The following SNTG1 variants were observed in gnomAD, a reference collection of about 807,000 sequenced individuals.
SNTG1 encodes the protein gamma-1-syntrophin.
Under a neutral mutation model 74.7 loss-of-function variants are expected in SNTG1, and 39 were observed. That is an observed-to-expected ratio of 0.52 (90% CI 0.40 to 0.68). The LOEUF (loss-of-function observed/expected upper bound fraction) is 0.68, where lower values mean the gene tolerates loss of function less well. Among genes scored for constraint, SNTG1 ranks in the 30% least tolerant of loss-of-function variants. SNTG1 has a pLI of 0.00. For missense variants in SNTG1, 685 were observed against 609.5 expected, an observed-to-expected ratio of 1.12 and a Z score of -1.30; for synonymous variants, 254 against 217.1, an observed-to-expected ratio of 1.17 and a Z score of -1.49.
intron 18 of SNTG1, among the ~76,000 whole-genome samples, chr8:50,765,501 T>C (rs1159691198): frequency 6.6e-6 from 1 of 151,950 alleles, no homozygotes; most frequent in Non-Finnish European, 1.5e-5. Flanking sequence ...GCCTCTTCTC[T>C]CTCTTTCAGG....
At chr8:50,682,788 C>A (rs1005014988) in intron 15 of SNTG1, among the ~76,000 whole-genome samples, 2 of 152,096 alleles carry the variant, frequency 1.3e-5, no homozygotes, top group Non-Finnish European at 1.5e-5. Flanking sequence ...CTTTTGCTAC[C>A]CACCCAATAA....
intron 17 of SNTG1, among the ~76,000 whole-genome samples, chr8:50,723,833 G>C (rs2095493452): frequency 6.6e-6 from 1 of 152,126 alleles, no homozygotes; most frequent in Admixed American, 6.5e-5. Flanking sequence ...GTTTCAGAAG[G>C]TCTTTTAGTA....
intron 2 of SNTG1, among the ~76,000 whole-genome samples, chr8:50,203,985 C>A (rs1402282955): frequency 1.3e-5 from 2 of 151,938 alleles, no homozygotes; most frequent in Non-Finnish European, 2.9e-5. Context: ...GCTTTTGTGA[C>A]CTGTCAGTTT....
intron 2 of SNTG1, among the ~76,000 whole-genome samples, chr8:50,335,149 C>A (rs535596033): frequency 6.6e-6 from 1 of 152,258 alleles, no homozygotes; most frequent in East Asian, 1.9e-4. Context: ...GCATTTAGGG[C>A]TGCATTTTGT....
intron 1 of SNTG1, among the ~76,000 whole-genome samples, chr8:50,085,907 T>C (rs1822840218): frequency 6.6e-6 from 1 of 152,146 alleles, no homozygotes; most frequent in African/African-American, 2.4e-5. Flanking sequence ...TGGGGCCTTG[T>C]CAATGGTATC....
At chr8:50,300,517 A>G (rs2089599427) in intron 2 of SNTG1, among the ~76,000 whole-genome samples, 1 of 152,156 alleles carries the variant, frequency 6.6e-6, no homozygotes, top group Non-Finnish European at 1.5e-5. Flanking sequence ...AAAGTACTTA[A>G]GTTAAAATTG....
chr8:50,750,344 C>A (rs1469481406), intron 17 of SNTG1, among the ~76,000 whole-genome samples: 3 of 151,920 alleles, frequency 2.0e-5, no homozygotes, highest in African/African-American at 4.8e-5. Flanking sequence ...TCAGATGGAA[C>A]CTACTTCTTA....
At chr8:50,430,821 A>T (rs1009830700) in intron 4 of SNTG1, among the ~76,000 whole-genome samples, 1 of 152,230 alleles carries the variant, frequency 6.6e-6, no homozygotes, top group Non-Finnish European at 1.5e-5. Flanking sequence ...ATGGTAAATC[A>T]GGATGGTAAA....
At chr8:50,627,532 G>T (rs1015175999) in intron 13 of SNTG1, among the ~76,000 whole-genome samples, 1 of 152,036 alleles carries the variant, frequency 6.6e-6, no homozygotes, top group Non-Finnish European at 1.5e-5. Context: ...ATAAATTTTT[G>T]TTCTTTATAA....
chr8:50,692,842 C>A (rs893180273), intron 15 of SNTG1, among the ~76,000 whole-genome samples: 2 of 152,198 alleles, frequency 1.3e-5, no homozygotes, highest in African/African-American at 4.8e-5. Flanking sequence ...GTGCCCTGCC[C>A]CCAGAGGCGG....
intron 4 of SNTG1, among the ~76,000 whole-genome samples, chr8:50,434,619 T>C (rs2093280960): frequency 6.6e-6 from 1 of 152,180 alleles, no homozygotes; most frequent in Admixed American, 6.5e-5. Context: ...TGGTTTTGAT[T>C]TTCATCTCTC....
intron 13 of SNTG1, among the ~76,000 whole-genome samples, chr8:50,593,740 C>G (rs1295965926): frequency 7.1e-6 from 1 of 141,650 alleles, no homozygotes; most frequent in African/African-American, 2.7e-5. Context: ...TTTTGAGAGA[C>G]AGAGTCTCAT....
intron 12 of SNTG1, among the ~76,000 whole-genome samples, chr8:50,554,699 A>T (rs1188886616): frequency 6.6e-6 from 1 of 152,148 alleles, no homozygotes; most frequent in Non-Finnish European, 1.5e-5. Context: ...AAAGAAAAAA[A>T]TAGAAAAGAA....
Position 50,795,932 on chromosome 8 carries a change from C to A in SNTG1, c.*3103C>A, listed in dbSNP as rs188898549. 18 of 152,110 alleles carry A rather than the reference C, an allele frequency of 1.2e-4. No homozygotes were observed. Among genetic ancestry groups the A allele is most frequent in the Non-Finnish European group, 1.9e-4 (13 of 67,944 alleles). 9.4% of individuals were successfully genotyped at this position (152,110 alleles called of 1,614,324 possible). On this transcript the variant is annotated 3_prime_UTR_variant, in exon 19 of 19. Coordinates refer to ENST00000642720, the MANE Select transcript of SNTG1 (RefSeq NM_018967.5). ...TGCCCATATTTCAGGCATGTACCAA[C>A]TTATAATTTTGAAATCTTCGCTCAT...
chr8:50,359,893 C>G (rs1040468712), intron 2 of SNTG1, among the ~76,000 whole-genome samples: 24 of 152,154 alleles, frequency 1.6e-4, no homozygotes, highest in African/African-American at 5.5e-4. Context: ...CACTGTGATG[C>G]CTTTCTTTCT....
In SNTG1 at chr8:50,136,356, G is replaced by A. The variant is rs1392543448; in HGVS notation, c.-102-36205G>A. 4.6e-5 allele frequency among the ~76,000 whole-genome samples: 7 copies of A among 152,158 alleles called. No individual in the cohort carries two copies. In the South Asian group the frequency reaches 1.4e-3, roughly 31 times the overall value. ...ACTGCTTTCCATGGTGGATGAATTA[G>A]TTTCCCACAACAATGAAAGCATATA... On this transcript the variant is annotated intron_variant, in intron 1 of 18. Transcript: ENST00000642720.
intron 1 of SNTG1, among the ~76,000 whole-genome samples, chr8:50,126,119 G>C (rs1035867691): frequency 6.6e-6 from 1 of 152,102 alleles, no homozygotes; most frequent in Admixed American, 6.6e-5. Context: ...CACTGAGAAA[G>C]GTGAAGTGAA....
intron 9 of SNTG1, among the ~76,000 whole-genome samples, chr8:50,507,646 G>T (rs1470828985): frequency 6.6e-6 from 1 of 151,578 alleles, no homozygotes; most frequent in African/African-American, 2.4e-5. Context: ...CAATCATTTT[G>T]GTTTTTGTGG....
intron 12 of SNTG1, among the ~76,000 whole-genome samples, chr8:50,588,216 A>G (rs1183812698): frequency 1.3e-5 from 2 of 152,178 alleles, no homozygotes; most frequent in African/African-American, 4.8e-5. Context: ...TAACAATATA[A>G]CATTTTATAT....
Sources: allele counts gnomAD v4.1 joint callset (sites outside exome capture counted in the v4.1 genomes callset), GRCh38; gene constraint gnomAD v4.1.1; transcripts MANE v1.5; gene names NCBI Gene and HGNC (gene_info 2026-07-23, HGNC 2026-07-21).